Variants in ZMYM4 observed in about 807,000 individuals in gnomAD.
ZMYM4 encodes zinc finger MYM-type protein 4.
In ZMYM4, 31 loss-of-function variants were observed where a neutral mutation model predicts 183.2. The observed-to-expected ratio is 0.17, with a 90% CI of 0.13 to 0.23. The LOEUF (loss-of-function observed/expected upper bound fraction) is 0.23. Among genes scored for constraint, ZMYM4 ranks in the 10% least tolerant of loss-of-function variants. ZMYM4 has a pLI of 1.00. For synonymous variants in ZMYM4, 592 were observed against 631.2 expected, an observed-to-expected ratio of 0.94 and a Z score of 0.93; for missense variants, 1,273 against 1,840.3, an observed-to-expected ratio of 0.69 and a Z score of 5.64.
At chr1:35,404,393 G>C (rs748602516) in intron 23 of ZMYM4, among the ~76,000 whole-genome samples, 1 of 152,002 alleles carries the variant, frequency 6.6e-6, no homozygotes, top group Non-Finnish European at 1.5e-5. Context: ...TAGAAGCTTA[G>C]GTTATAGATT....
intron 2 of ZMYM4, among the ~76,000 whole-genome samples, chr1:35,327,924 G>T (rs899139659): frequency 1.3e-5 from 2 of 152,142 alleles, no homozygotes; most frequent in African/African-American, 4.8e-5. Flanking sequence ...GGGAAACCAG[G>T]CCAGATAGTA....
At chr1:35,278,589 C>G (rs920545843) in intron 1 of ZMYM4, among the ~76,000 whole-genome samples, 1 of 152,106 alleles carries the variant, frequency 6.6e-6, no homozygotes, top group Non-Finnish European at 1.5e-5. Flanking sequence ...CCATGCCTGG[C>G]TAATTTTTTG....
intron 26 of ZMYM4, among the ~76,000 whole-genome samples, chr1:35,412,722 T>C (rs1317300552): frequency 2.6e-5 from 4 of 152,108 alleles, no homozygotes; most frequent in South Asian, 2.1e-4. Flanking sequence ...AAAGTGACTA[T>C]ATTAAAAGAA....
intron 1 of ZMYM4, among the ~76,000 whole-genome samples, chr1:35,312,202 T>G (rs187762190): frequency 1.3e-5 from 2 of 152,322 alleles, no homozygotes; most frequent in East Asian, 3.9e-4. Flanking sequence ...TGTATATATC[T>G]TTGGGTTTTC....
At chr1:35,332,318 TCACC>T (rs1413312347) in intron 2 of ZMYM4, among the ~76,000 whole-genome samples, 1 of 152,040 alleles carries the variant, frequency 6.6e-6, no homozygotes, top group Non-Finnish European at 1.5e-5. Flanking sequence ...ACTTAACAAA[TCACC>T]CCATAACTAA....
chr1:35,350,826 C>A, intron 2 of ZMYM4: 1 of 528,742 alleles, frequency 1.9e-6, no homozygotes, highest in Admixed American at 2.7e-5. Context: ...CTTGGAAACG[C>A]TTAGTGATAC....
At chr1:35,385,727 T>C in intron 10 of ZMYM4, 135 bp downstream of exon 10, 1 of 1,055,292 alleles carries the variant, frequency 9.5e-7, no homozygotes. Context: ...AAATATCACC[T>C]GTTACCTTGA....
intron 1 of ZMYM4, among the ~76,000 whole-genome samples, chr1:35,285,782 A>G (rs1640452649): frequency 6.6e-6 from 1 of 152,222 alleles, no homozygotes; most frequent in Non-Finnish European, 1.5e-5. Flanking sequence ...CCCCACAGAT[A>G]CTGAGGAATG....
Position 35,420,589 on chromosome 1 carries a change from C to T in ZMYM4, c.*912C>T, listed in dbSNP as rs1558216024. On this transcript the variant is annotated 3_prime_UTR_variant, in exon 30 of 30. Coordinates refer to ENST00000314607, the MANE Select transcript of ZMYM4 (RefSeq NM_005095.3). ...TTTTTTCCCCAATGGCAGCTTTTCT[C>T]CCGTTGTTTTACCTTCCTATTTCCC... The T allele has an allele frequency of 6.6e-6, 1 of 152,548 alleles. No individual in the cohort carries two copies. Among genetic ancestry groups the T allele is most frequent in the Non-Finnish European group, 1.5e-5 (1 of 68,044 alleles). The allele number at this position is 152,548 out of a possible 1,614,324, so 9.4% of individuals were successfully genotyped here.
intron 2 of ZMYM4, among the ~76,000 whole-genome samples, chr1:35,355,404 T>C (rs965990769): frequency 8.5e-5 from 13 of 152,060 alleles, no homozygotes; most frequent in African/African-American, 3.1e-4. Flanking sequence ...GTGAACGTGA[T>C]ATCTCGTTTT....
intron 2 of ZMYM4, among the ~76,000 whole-genome samples, chr1:35,355,200 C>CT (rs1013941289): frequency 0.074 from 5,717 of 77,176 alleles, 609 homozygotes; most frequent in Non-Finnish European, 0.091. Context: ...CGCCTGGCTT[C>CT]TTTTTTTTTT....
intron 6 of ZMYM4, 58 bp downstream of exon 6, chr1:35,370,171 G>T: frequency 1.3e-6 from 2 of 1,580,450 alleles, no homozygotes. Flanking sequence ...TGAATGAGAA[G>T]AAATTCTGCT....
chr1:35,352,349 G>A (rs1643652917), intron 2 of ZMYM4, among the ~76,000 whole-genome samples: 1 of 141,382 alleles, frequency 7.1e-6, no homozygotes, highest in Non-Finnish European at 1.5e-5. Context: ...GGGCAACAGA[G>A]CAAGACCTTG....
intron 1 of ZMYM4, among the ~76,000 whole-genome samples, chr1:35,288,756 A>C (rs1640622644): frequency 6.6e-6 from 1 of 152,156 alleles, no homozygotes; most frequent in African/African-American, 2.4e-5. Context: ...TTTTCTTTGA[A>C]ACTCAGAAGC....
At chr1:35,330,663 A>G (rs1265868347) in intron 2 of ZMYM4, among the ~76,000 whole-genome samples, 1 of 152,208 alleles carries the variant, frequency 6.6e-6, no homozygotes, top group Admixed American at 6.5e-5. Flanking sequence ...TATTGTGTAC[A>G]TAGTGTCTGC....
chr1:35,281,473 A>G (rs1327470846), intron 1 of ZMYM4, among the ~76,000 whole-genome samples: 3 of 152,110 alleles, frequency 2.0e-5, no homozygotes, highest in African/African-American at 7.2e-5. Context: ...AGGGAGGGAC[A>G]GGAAGATATT....
At chr1:35,326,898 C>T (rs1240487859) in intron 2 of ZMYM4, among the ~76,000 whole-genome samples, 1 of 152,144 alleles carries the variant, frequency 6.6e-6, no homozygotes, top group Non-Finnish European at 1.5e-5. Context: ...CTTGCTTTGT[C>T]ACCCAGGCTT....
At chr1:35,310,744 A>G (rs1641756685) in intron 1 of ZMYM4, among the ~76,000 whole-genome samples, 1 of 151,812 alleles carries the variant, frequency 6.6e-6, no homozygotes, top group African/African-American at 2.4e-5. Flanking sequence ...ACACGCAGCT[A>G]ATTTTATATT....
intron 7 of ZMYM4, among the ~76,000 whole-genome samples, chr1:35,379,841 A>G (rs1644414622): frequency 1.3e-5 from 2 of 152,256 alleles, no homozygotes; most frequent in East Asian, 1.9e-4. Context: ...TGGCTGGTCA[A>G]TGGAGCAGTC....
Sources: allele counts gnomAD v4.1 joint callset (sites outside exome capture counted in the v4.1 genomes callset), GRCh38; gene constraint gnomAD v4.1.1; transcripts MANE v1.5; gene names NCBI Gene and HGNC (gene_info 2026-07-23, HGNC 2026-07-21).